The following SMYD2 variants were observed in gnomAD, a reference collection of about 807,000 sequenced individuals.
The protein encoded by SMYD2 is SET and MYND domain containing 2.
In SMYD2, 53 loss-of-function variants were observed where a neutral mutation model predicts 59.1. That is an observed-to-expected ratio of 0.90 (90% confidence interval 0.72 to 1.13). SMYD2 has a LOEUF of 1.13. Among genes scored for constraint, SMYD2 ranks in the 50% most tolerant of loss-of-function variants. The probability of loss-of-function intolerance (pLI) is 0.00; values close to 1 mark genes in which losing one functional copy is unlikely to be tolerated. For synonymous variants in SMYD2, 208 were observed against 198.8 expected, an observed-to-expected ratio of 1.05 and a Z score of -0.39; for missense variants, 494 against 544.7, an observed-to-expected ratio of 0.91 and a Z score of 0.93.
chr1:214,334,793 G>A (rs776920628), intron 11 of SMYD2, among the ~76,000 whole-genome samples: 186 of 152,326 alleles, frequency 1.2e-3, no homozygotes, highest in Middle Eastern at 3.4e-3. Context: ...TCACAAAACC[G>A]AGAGGCTTTC....
chr1:214,318,929 C>T lies in SMYD2; in HGVS notation c.480C>T (p.Tyr160=). 3.7e-6 allele frequency: 6 copies of T among 1,614,026 alleles called. No homozygotes were observed. Among genetic ancestry groups the T allele is most frequent in the South Asian group, 2.2e-5 (2 of 91,074 alleles). Residue 160 remains tyrosine (Y), a synonymous_variant, in exon 5 of 12, where the codon TAC becomes TAT. Coordinates refer to ENST00000366957, the MANE Select transcript of SMYD2 (RefSeq NM_020197.3). The surrounding 1 kb of genome is among the most constrained non-coding windows in gnomAD (Gnocchi z 5.4). ...QSDIAALHHF[Y]SKHLGFPDND... ...ACATAGCTGCTCTCCATCACTTTTA[C>T]TCCAAGCATCTCGGATTCCCTGACA...
At chr1:214,317,902 G>GA (rs1657110695) in intron 3 of SMYD2, among the ~76,000 whole-genome samples, 177 bp from the exon 4 acceptor site, 1 of 152,200 alleles carries the variant, frequency 6.6e-6, no homozygotes, top group African/African-American at 2.4e-5. Flanking sequence ...AAGCGCTTTA[G>GA]AAGAGTCTTT....
At chr1:214,314,969 AAACATCCTT>A (rs1657057498) in intron 3 of SMYD2, 97 bp downstream of exon 3, 1 of 883,566 alleles carries the variant, frequency 1.1e-6, no homozygotes, top group East Asian at 2.5e-5. Flanking sequence ...ATCTCTCGTT[AAACATCCTT>A]AGACTACATT....
intron 5 of SMYD2, among the ~76,000 whole-genome samples, chr1:214,321,069 G>A (rs544351508): frequency 2.6e-5 from 4 of 152,248 alleles, no homozygotes; most frequent in Admixed American, 2.6e-4. Context: ...CTAACACAGT[G>A]ATGCATGCTT....
At chr1:214,321,807 A>G (rs1025547247) in intron 5 of SMYD2, among the ~76,000 whole-genome samples, 4 of 152,234 alleles carry the variant, frequency 2.6e-5, no homozygotes, top group Non-Finnish European at 2.9e-5. Context: ...TGGACCATGC[A>G]TGTTTCTTAA....
chr1:214,301,680 G>T (rs554718709), intron 1 of SMYD2, among the ~76,000 whole-genome samples: 4 of 150,764 alleles, frequency 2.7e-5, no homozygotes, highest in Non-Finnish European at 4.4e-5. Context: ...TCCTGGAAGT[G>T]ACAGGCTCAC....
In SMYD2 at chr1:214,284,253, G is replaced by GTTTTTTTT. The variant is rs1259451106; in HGVS notation, c.173+2826_173+2827insTTTTTTTT. Among the ~76,000 whole-genome samples the GTTTTTTTT allele has an allele frequency of 4.7e-4, 36 of 76,804 alleles. 1 individual carries two copies. Among genetic ancestry groups the GTTTTTTTT allele is most frequent in the South Asian group, 2.7e-3 (7 of 2,550 alleles). 50.4% of individuals were successfully genotyped at this position (76,804 alleles called of 152,430 possible). ...GCCATTTATCACCATTTTTTGGTGT[G>GTTTTTTTT]GTTTTTTTTTTTTTTTTTTTTTTTG... On this transcript the variant is annotated intron_variant, in intron 1 of 11. Coordinates refer to ENST00000366957, the MANE Select transcript of SMYD2 (RefSeq NM_020197.3).
intron 9 of SMYD2, chr1:214,331,338 C>T: frequency 5.2e-6 from 2 of 386,332 alleles, no homozygotes; most frequent in Non-Finnish European, 9.5e-6. Context: ...GCCTTGATGG[C>T]CTTGTGCTTT....
In SMYD2 at chr1:214,324,684, AT is replaced by A. The variant is rs1249055965; in HGVS notation, c.581del (p.Leu194TrpfsTer11). ...ACAATTGAAGATGAAGAACTTTCTC[AT>A]TTGGGATCAGCGATATTTCCTGAGT... ...GFTIEDEELS[H>X]LGSAIFPDVA... On this transcript the variant is annotated frameshift_variant, in exon 6 of 12. Transcript: ENST00000366957. LOFTEE classifies it high-confidence loss of function. 6.2e-7 allele frequency: 1 copy of A among 1,613,278 alleles called. No homozygotes were observed. The highest frequency in any genetic ancestry group is 8.5e-7 in the Non-Finnish European group (1 of 1,179,700).
intron 5 of SMYD2, 95 bp from the exon 6 acceptor site, chr1:214,324,546 C>A (rs1657231918): frequency 9.1e-7 from 1 of 1,095,906 alleles, no homozygotes; most frequent in African/African-American, 1.6e-5. Context: ...AAAACATCTT[C>A]CTAATTTGTT....
chr1:214,331,690 A>G (rs1009776502), intron 9 of SMYD2: 2 of 240,130 alleles, frequency 8.3e-6, no homozygotes, highest in Admixed American at 1.0e-4. Context: ...GAACTTTGCC[A>G]CAGTGGGAGT....
At chr1:214,308,257 TG>T (rs1451744857) in intron 2 of SMYD2, among the ~76,000 whole-genome samples, 4 of 152,248 alleles carry the variant, frequency 2.6e-5, no homozygotes, top group Non-Finnish European at 5.9e-5. Flanking sequence ...GTTTCATTTT[TG>T]TTTCATCTGT....
chr1:214,312,022 G>A lies in SMYD2; in HGVS notation c.238-2740G>A, dbSNP rs1320439625. Among the ~76,000 whole-genome samples the A allele has an allele frequency of 6.6e-6, 1 of 152,188 alleles. No individual in the cohort carries two copies. Among genetic ancestry groups the A allele is most frequent in the Non-Finnish European group, 1.5e-5 (1 of 68,034 alleles). On this transcript the variant is annotated intron_variant, in intron 2 of 11. Coordinates refer to ENST00000366957, the MANE Select transcript of SMYD2 (RefSeq NM_020197.3). The surrounding 1 kb of genome is among the most constrained non-coding windows in gnomAD (Gnocchi z 4.1). The stretch of plus-strand genomic sequence containing the variant: ...TGAGGAGGGAGCTGATTAGTCTGCA[G>A]GGAGACAGACCCACCTGTTCCCACC...
At chr1:214,323,193 C>T (rs1212163933) in intron 5 of SMYD2, among the ~76,000 whole-genome samples, 3 of 152,164 alleles carry the variant, frequency 2.0e-5, no homozygotes, top group Admixed American at 6.5e-5. Flanking sequence ...AGATCACCTA[C>T]CGAATTGTCT....
intron 6 of SMYD2, chr1:214,327,384 G>C (rs1465382640): frequency 4.5e-6 from 2 of 444,222 alleles, no homozygotes; most frequent in Non-Finnish European, 8.3e-6. Flanking sequence ...TTTTGGTTTT[G>C]GCTTAGATAG....
At chr1:214,324,400 A>G (rs1657228388) in intron 5 of SMYD2, among the ~76,000 whole-genome samples, 1 of 152,158 alleles carries the variant, frequency 6.6e-6, no homozygotes, top group Non-Finnish European at 1.5e-5. Context: ...TGCCTGGACC[A>G]CTGTATTTAG....
At chr1:214,332,252 A>G in intron 10 of SMYD2, 60 bp downstream of exon 10, 1 of 1,572,104 alleles carries the variant, frequency 6.4e-7, no homozygotes, top group Non-Finnish European at 8.7e-7. Context: ...TAGAATGTAT[A>G]CGATAGTGTC....
intron 1 of SMYD2, among the ~76,000 whole-genome samples, chr1:214,287,495 G>C (rs1656568901): frequency 6.8e-6 from 1 of 147,892 alleles, no homozygotes; most frequent in Admixed American, 6.9e-5. Flanking sequence ...GCTGAGGCAG[G>C]AGAATCGCTT....
At chr1:214,309,117 C>T (rs993733021) in intron 2 of SMYD2, among the ~76,000 whole-genome samples, 7 of 152,118 alleles carry the variant, frequency 4.6e-5, no homozygotes, top group South Asian at 2.1e-4. Context: ...GCAGTGCTTT[C>T]GGATTTTGCT....
Sources: gnomAD v4.1 joint callset for allele counts (sites outside exome capture counted in the v4.1 genomes callset) on GRCh38, gnomAD v4.1.1 for gene constraint, Gnocchi (gnomAD v3.1) non-coding constraint, MANE v1.5 for transcripts, NCBI Gene and HGNC (gene_info 2026-07-23, HGNC 2026-07-21) for gene names.